The following ZC3H18 variants were observed in gnomAD, a reference collection of about 807,000 sequenced individuals.
ZC3H18 encodes the protein zinc finger CCCH-type containing 18.
A neutral mutation model predicts 106.1 loss-of-function variants in ZC3H18; 8 were observed. The observed-to-expected ratio is 0.08, with a 90% CI of 0.04 to 0.14. ZC3H18 has a LOEUF of 0.14. Among genes scored for constraint, ZC3H18 ranks in the 10% least tolerant of loss-of-function variants. The pLI, the probability that ZC3H18 is intolerant of heterozygous loss-of-function variation, is 1.00. For synonymous variants in ZC3H18, 635 were observed against 522.1 expected (o/e 1.22, Z -2.95); for missense variants, 1,318 against 1,278.4 (o/e 1.03, Z -0.47).
In ZC3H18 at chr16:88,627,686, A is replaced by G; in HGVS notation, c.2173A>G (p.Ser725Gly). 1 of 1,613,808 alleles carries G rather than the reference A, an allele frequency of 6.2e-7. No homozygotes were observed. The highest frequency in any genetic ancestry group is 8.5e-7 in the Non-Finnish European group (1 of 1,179,822). The change falls in exon 14 of 18, where the codon AGC (serine) becomes GGC (glycine). Residue 725 changes from serine (S) to glycine (G), a missense_variant. Around this residue, in one of 6 missense-constraint regions of ZC3H18, gnomAD observed 848 missense variants for 821.7 expected, o/e 1.03. Transcript: ENST00000301011. The surrounding 1 kb of genome is among the most constrained non-coding windows in gnomAD (Gnocchi z 4.5). Reference sequence around the variant, plus strand: ...TACGTCGAGCAGCAGCTCTGCACACAGCGTGGACTCGGAGGACATGTACGC... The same window carrying G: ...TACGTCGAGCAGCAGCTCTGCACACGGCGTGGACTCGGAGGACATGTACGC... ...SATSSSSSAHSVDSEDMYADL... is the reference protein window; with the variant it reads ...SATSSSSSAHGVDSEDMYADL...
intron 8 of ZC3H18, among the ~76,000 whole-genome samples, chr16:88,615,666 A>T (rs1168174229): frequency 6.6e-6 from 1 of 152,198 alleles, no homozygotes; most frequent in African/African-American, 2.4e-5. Context: ...AAGCAGAGAC[A>T]TAGAAAGGCA....
intron 8 of ZC3H18, among the ~76,000 whole-genome samples, chr16:88,614,339 C>CA (rs971405070): frequency 1.3e-5 from 2 of 152,200 alleles, no homozygotes; most frequent in African/African-American, 4.8e-5. Context: ...CACCACGGGA[C>CA]AAAAACAAGC....
intron 2 of ZC3H18, among the ~76,000 whole-genome samples, chr16:88,583,049 G>T (rs924692978): frequency 6.6e-6 from 1 of 152,278 alleles, no homozygotes; most frequent in South Asian, 2.1e-4. Context: ...GATTCAGGAG[G>T]TTGTGGTTGG....
intron 8 of ZC3H18, among the ~76,000 whole-genome samples, chr16:88,613,504 C>T (rs1905389341): frequency 2.0e-5 from 3 of 152,162 alleles, no homozygotes; most frequent in South Asian, 4.2e-4. Flanking sequence ...CTTGTCTGCA[C>T]TTGCTGCGGT....
At chr16:88,623,424 G>A (rs1001712161) in intron 10 of ZC3H18, 80 bp downstream of exon 10, 33 of 1,562,272 alleles carry the variant, frequency 2.1e-5, no homozygotes, top group Admixed American at 1.3e-4. Context: ...TAGTTGTGGC[G>A]CCAGTAGCCC....
chr16:88,575,808 G>A (rs539477085), intron 1 of ZC3H18, among the ~76,000 whole-genome samples: 5 of 151,818 alleles, frequency 3.3e-5, no homozygotes, highest in African/African-American at 1.2e-4. Context: ...CCACCTCCTG[G>A]GCTTAAGCGA....
At chr16:88,574,321 C>G (rs192327831) in intron 1 of ZC3H18, among the ~76,000 whole-genome samples, 1 of 152,046 alleles carries the variant, frequency 6.6e-6, no homozygotes, top group Non-Finnish European at 1.5e-5. Flanking sequence ...GCGATTCTCT[C>G]GTCTCAGCCT....
intron 5 of ZC3H18, among the ~76,000 whole-genome samples, 154 bp from the exon 6 acceptor site, chr16:88,599,637 G>T (rs368113595): frequency 2.0e-4 from 31 of 152,302 alleles, no homozygotes; most frequent in African/African-American, 7.2e-4. Context: ...GGACAACTGT[G>T]CTGTGTCCGC....
chr16:88,614,474 A>G (rs757986677), intron 8 of ZC3H18, among the ~76,000 whole-genome samples: 5 of 152,238 alleles, frequency 3.3e-5, no homozygotes, highest in African/African-American at 7.2e-5. Context: ...CCTTTGTTTC[A>G]GGGTCACTCA....
In ZC3H18 at chr16:88,628,010, G is replaced by T. The variant is rs144394099; in HGVS notation, c.2360G>T (p.Gly787Val). The change falls in exon 15 of 18, where the codon GGG becomes GTG. Residue 787 changes from glycine to valine, a missense_variant. Around this residue, in one of 6 missense-constraint regions of ZC3H18, gnomAD observed 848 missense variants for 821.7 expected, o/e 1.03. Coordinates refer to ENST00000301011, the MANE Select transcript of ZC3H18 (RefSeq NM_144604.4). ...QPPKSAKPPA[G>V]GKSSQQPSTP... Reference sequence around the variant, plus strand: ...CCCAAATCTGCAAAACCTCCAGCAGGGGGGAAGTCCTCCCAGCAGCCCTCG... The same window carrying T: ...CCCAAATCTGCAAAACCTCCAGCAGTGGGGAAGTCCTCCCAGCAGCCCTCG... The T allele has an allele frequency of 9.9e-5, 159 of 1,614,066 alleles. No individual in the cohort carries two copies. Among genetic ancestry groups the T allele is most frequent in the Non-Finnish European group, 1.2e-4 (145 of 1,180,056 alleles).
chr16:88,597,828 G>T (rs944815110), intron 3 of ZC3H18, among the ~76,000 whole-genome samples: 5 of 152,270 alleles, frequency 3.3e-5, no homozygotes, highest in Admixed American at 1.3e-4. Context: ...ACCTAGATGA[G>T]CCTGGGCCAG....
chr16:88,615,966 G>A (rs1759410209), intron 8 of ZC3H18, among the ~76,000 whole-genome samples: 1 of 152,252 alleles, frequency 6.6e-6, no homozygotes, highest in Admixed American at 6.5e-5. Context: ...CCGCACTTTA[G>A]TGACCCGCGG....
chr16:88,622,479 C>G, intron 9 of ZC3H18, 91 bp downstream of exon 9: 2 of 1,385,412 alleles, frequency 1.4e-6, no homozygotes, highest in African/African-American at 1.5e-5. Context: ...GGGGAACACC[C>G]CAGCCCCACT....
chr16:88,604,991 G>C (rs926232168), intron 6 of ZC3H18, among the ~76,000 whole-genome samples: 1 of 152,236 alleles, frequency 6.6e-6, no homozygotes, highest in African/African-American at 2.4e-5. Flanking sequence ...GGTGCAGGCT[G>C]CTGTTCTTTG....
At chr16:88,576,484 A>G (rs190957389) in intron 1 of ZC3H18, among the ~76,000 whole-genome samples, 5 of 152,130 alleles carry the variant, frequency 3.3e-5, no homozygotes, top group Admixed American at 3.3e-4. Flanking sequence ...AGCCCTCTCG[A>G]CACCTGCTGG....
intron 3 of ZC3H18, among the ~76,000 whole-genome samples, chr16:88,594,223 C>T (rs1904322578): frequency 6.6e-6 from 1 of 152,104 alleles, no homozygotes; most frequent in Non-Finnish European, 1.5e-5. Flanking sequence ...GAATGCTATT[C>T]CTCTCACCAA....
intron 3 of ZC3H18, among the ~76,000 whole-genome samples, chr16:88,597,359 T>C (rs1904493458): frequency 6.6e-6 from 1 of 152,240 alleles, no homozygotes; most frequent in Non-Finnish European, 1.5e-5. Context: ...TCCTGATGTT[T>C]AAGGTTAAAA....
At chr16:88,628,974 C>A in intron 16 of ZC3H18, 120 bp downstream of exon 16, 1 of 878,058 alleles carries the variant, frequency 1.1e-6, no homozygotes, top group South Asian at 1.6e-5. Flanking sequence ...GAACATCTGA[C>A]TTGCAGATGA....
chr16:88,610,136 C>T (rs1905205986), intron 7 of ZC3H18, among the ~76,000 whole-genome samples: 1 of 152,160 alleles, frequency 6.6e-6, no homozygotes, highest in Non-Finnish European at 1.5e-5. Context: ...CTGGAAATCT[C>T]CCTGGTCTGA....
Sources: allele counts gnomAD v4.1 joint callset (sites outside exome capture counted in the v4.1 genomes callset), GRCh38; gene constraint gnomAD v4.1.1; regional missense constraint gnomAD v4.1.1; non-coding constraint Gnocchi (gnomAD v3.1); transcripts MANE v1.5; gene names NCBI Gene and HGNC (gene_info 2026-07-23, HGNC 2026-07-21).